CFAP61: variants seen among roughly 807,000 people sequenced by gnomAD.
CFAP61 encodes the protein cilia- and flagella-associated protein 61.
A neutral mutation model predicts 135.6 loss-of-function variants in CFAP61; 107 were observed. That is an observed-to-expected ratio of 0.79 (90% CI 0.67 to 0.93). The LOEUF (loss-of-function observed/expected upper bound fraction) is 0.93, where lower values mean the gene tolerates loss of function less well. Ranked by LOEUF, CFAP61 falls within the 40% of genes least tolerant of loss-of-function variation. The probability of loss-of-function intolerance (pLI) is 0.00; values close to 1 mark genes in which losing one functional copy is unlikely to be tolerated. For synonymous variants in CFAP61, 575 were observed against 578.5 expected, an observed-to-expected ratio of 0.99 and a Z score of 0.09; for missense variants, 1,507 against 1,556.2, an observed-to-expected ratio of 0.97 and a Z score of 0.53.
At chr20:20,199,655 T>C (rs2056501837) in intron 16 of CFAP61, 113 bp from the exon 17 acceptor site, 4 of 1,139,564 alleles carry the variant, frequency 3.5e-6, no homozygotes, top group African/African-American at 1.6e-5. Flanking sequence ...TTTTTTTTTT[T>C]CCTCTCTGAC....
chr20:20,206,736 T>G (rs972106019), intron 17 of CFAP61, among the ~76,000 whole-genome samples: 3 of 152,156 alleles, frequency 2.0e-5, no homozygotes, highest in Admixed American at 2.0e-4. Context: ...CACAGGTTTT[T>G]GGGTATATAT....
At chr20:20,068,102 G>A (rs2045435231) in intron 2 of CFAP61, among the ~76,000 whole-genome samples, 1 of 152,104 alleles carries the variant, frequency 6.6e-6, no homozygotes, top group African/African-American at 2.4e-5. Flanking sequence ...AGCATCCTGA[G>A]GTTCCCATGG....
intron 25 of CFAP61, among the ~76,000 whole-genome samples, chr20:20,330,031 G>A (rs1330908013): frequency 6.6e-6 from 1 of 152,164 alleles, no homozygotes; most frequent in East Asian, 1.9e-4. Context: ...GCTCACAGGA[G>A]GCGGTCAACA....
At chr20:20,243,864 A>C (rs562705849) in intron 18 of CFAP61, among the ~76,000 whole-genome samples, 88 of 152,350 alleles carry the variant, frequency 5.8e-4, no homozygotes, top group African/African-American at 2.1e-3. Context: ...CCTCCTAGAT[A>C]CAGTGGGGGT....
chr20:20,055,340 A>G (rs1259702918), intron 1 of CFAP61, among the ~76,000 whole-genome samples: 1 of 152,206 alleles, frequency 6.6e-6, no homozygotes, highest in East Asian at 1.9e-4. Flanking sequence ...ACTTCTCAGC[A>G]GTATTTTTGC....
chr20:20,314,784 G>A (rs1268874244), intron 25 of CFAP61, among the ~76,000 whole-genome samples: 1 of 135,000 alleles, frequency 7.4e-6, no homozygotes, highest in Admixed American at 7.8e-5. Context: ...AGAATATGCG[G>A]TGTTTGGTTT....
rs2046349562 is a variant in CFAP61, at chr20:20,080,353, C to A, written c.566+4738C>A. ...TCAATTTCTTTCTTTTCTGATGGTG[C>A]CTGGTCCATGATGGCCTAACCATCA... On this transcript the variant is annotated intron_variant, in intron 6 of 26. Transcript: ENST00000245957. Among the ~76,000 whole-genome samples the A allele has an allele frequency of 2.0e-5, 3 of 152,162 alleles. No individual in the cohort carries two copies. In the South Asian group the frequency reaches 6.2e-4, roughly 32 times the overall value.
chr20:20,243,037 G>C (rs968603128), intron 18 of CFAP61, among the ~76,000 whole-genome samples: 36 of 152,266 alleles, frequency 2.4e-4, no homozygotes, highest in African/African-American at 8.4e-4. Flanking sequence ...ACCTGAGACT[G>C]GGCCATTTAC....
At chr20:20,105,234 T>A (rs1165467088) in intron 8 of CFAP61, among the ~76,000 whole-genome samples, 1 of 152,176 alleles carries the variant, frequency 6.6e-6, no homozygotes, top group Non-Finnish European at 1.5e-5. Context: ...ACCAATGGGC[T>A]TCTCATTGTT....
chr20:20,251,686 G>T lies in CFAP61; in HGVS notation c.2251G>T (p.Ala751Ser), dbSNP rs2050925570. Residue 751 changes from alanine (A) to serine (S), a missense_variant, in exon 20 of 27, where the codon GCC becomes TCC. By Grantham distance (99) the Ala-to-Ser change is moderately conservative (BLOSUM62 1). Transcript: ENST00000245957. ...VGRMTGIDRA[A>S]KHVVLSTDEI... ...TAGAATGACCGGCATAGACCGAGCAGCCAAGCACGTTGTGCTTTCCACGGA... is the reference window on the plus strand; with the variant it reads ...TAGAATGACCGGCATAGACCGAGCATCCAAGCACGTTGTGCTTTCCACGGA... The T allele has an allele frequency of 6.2e-7, 1 of 1,614,122 alleles. No individual in the cohort carries two copies. Among genetic ancestry groups the T allele is most frequent in the Non-Finnish European group, 8.5e-7 (1 of 1,180,058 alleles).
intron 6 of CFAP61, among the ~76,000 whole-genome samples, chr20:20,075,948 C>T (rs972933950): frequency 1.2e-4 from 19 of 152,082 alleles, no homozygotes; most frequent in African/African-American, 3.6e-4. Flanking sequence ...TCAGTTTTCT[C>T]GGTAAAACCC....
chr20:20,116,769 T>C (rs1013019083), intron 8 of CFAP61, among the ~76,000 whole-genome samples: 1 of 152,126 alleles, frequency 6.6e-6, no homozygotes, highest in African/African-American at 2.4e-5. Context: ...CTACTCTTCC[T>C]GACCTCTAGT....
At chr20:20,346,809 A>G (rs1269626794) in intron 26 of CFAP61, among the ~76,000 whole-genome samples, 2 of 152,268 alleles carry the variant, frequency 1.3e-5, no homozygotes, top group Non-Finnish European at 2.9e-5. Flanking sequence ...TAAAACAATA[A>G]TGCAGACTTC....
intron 2 of CFAP61, among the ~76,000 whole-genome samples, chr20:20,060,956 A>G (rs993938737): frequency 3.3e-4 from 50 of 152,328 alleles, no homozygotes; most frequent in African/African-American, 1.2e-3. Context: ...GGCTTTAGCC[A>G]CTGCTGCCAT....
At chr20:20,143,844 G>A (rs1428822094) in intron 9 of CFAP61, among the ~76,000 whole-genome samples, 1 of 152,246 alleles carries the variant, frequency 6.6e-6, no homozygotes. Context: ...AGTCAGCTGA[G>A]TGCTGATCAC....
At position 20,131,694 on chromosome 20, in the gene CFAP61, A is replaced by G. The variant is rs1264232747; in HGVS notation, c.860-11163A>G. 2.6e-5 allele frequency among the ~76,000 whole-genome samples: 4 copies of G among 151,732 alleles called. No individual in the cohort carries two copies. In the East Asian group the frequency reaches 5.8e-4, roughly 22 times the overall value. On this transcript the variant is annotated intron_variant, in intron 8 of 26. Coordinates refer to ENST00000245957, the MANE Select transcript of CFAP61 (RefSeq NM_015585.4). The stretch of plus-strand genomic sequence containing the variant: ...GGCTTATTTGATGTTTTTTTAATAT[A>G]TATATATTTTAAGTAGACTCTTAAC...
At chr20:20,331,750 T>C (rs1045151383) in intron 25 of CFAP61, among the ~76,000 whole-genome samples, 9 of 151,260 alleles carry the variant, frequency 6.0e-5, no homozygotes, top group African/African-American at 9.9e-5. Context: ...TGTGCACATA[T>C]ACACTTTTTT....
At chr20:20,091,090 C>T (rs1257337066) in intron 7 of CFAP61, 114 bp downstream of exon 7, 4 of 1,197,010 alleles carry the variant, frequency 3.3e-6, no homozygotes, top group East Asian at 4.7e-5. Context: ...CCTGGCCACC[C>T]CGGCCCTCCC....
intron 22 of CFAP61, among the ~76,000 whole-genome samples, chr20:20,278,780 G>A (rs2053968260): frequency 6.6e-6 from 1 of 151,952 alleles, no homozygotes; most frequent in African/African-American, 2.4e-5. Flanking sequence ...ATTTTTTTTA[G>A]AATCTCTCAT....
Sources: allele counts gnomAD v4.1 joint callset (sites outside exome capture counted in the v4.1 genomes callset), GRCh38; gene constraint gnomAD v4.1.1; transcripts MANE v1.5; gene names NCBI Gene and HGNC (gene_info 2026-07-23, HGNC 2026-07-21).